GABRA5: variants seen among roughly 807,000 people sequenced by gnomAD.
The protein encoded by GABRA5 is gamma-aminobutyric acid type A receptor subunit alpha5.
GABRA5 carries 18 observed loss-of-function variants against 47.3 expected under a neutral mutation model. The ratio of observed to expected loss-of-function variants is 0.38; its 90% CI spans 0.26 to 0.56. GABRA5 has a LOEUF of 0.56. Among genes scored for constraint, GABRA5 ranks in the 20% least tolerant of loss-of-function variants. The pLI is 0.71. For missense variants in GABRA5, 365 were observed against 599.3 expected, an observed-to-expected ratio of 0.61 and a Z score of 4.08; for synonymous variants, 237 against 229.3, an observed-to-expected ratio of 1.03 and a Z score of -0.30.
intron 6 of GABRA5, among the ~76,000 whole-genome samples, chr15:26,894,805 C>T (rs941463028): frequency 6.6e-6 from 1 of 152,138 alleles, no homozygotes; most frequent in Admixed American, 6.5e-5. Flanking sequence ...AGGCACAGTC[C>T]GGCCGCAGAA....
rs554290852 is a variant in GABRA5 at position 26,921,483 on chromosome 15, G to A, written c.580+6598G>A. 9.2e-5 allele frequency among the ~76,000 whole-genome samples: 14 copies of A among 152,146 alleles called. No individual in the cohort carries two copies. The South Asian group carries it at 1.7e-3, about 18-fold the overall frequency. On this transcript the variant is annotated intron_variant, in intron 7 of 10. Transcript: ENST00000335625. ...CTCTTATTTCTGACGTTGGTAATTT[G>A]TGTTACTCTTTCAGCAAGATTGATA...
chr15:26,874,830 A>C (rs1892553872), intron 3 of GABRA5, among the ~76,000 whole-genome samples: 1 of 152,254 alleles, frequency 6.6e-6, no homozygotes, highest in South Asian at 2.1e-4. Flanking sequence ...GTTAATTTTT[A>C]GTTTTAACAA....
intron 7 of GABRA5, among the ~76,000 whole-genome samples, chr15:26,925,592 G>C (rs1437011886): frequency 2.6e-5 from 4 of 152,036 alleles, no homozygotes; most frequent in Admixed American, 2.6e-4. Flanking sequence ...ATTTATAATA[G>C]CTACTTTGAA....
At chr15:26,917,019 G>T (rs1330727722) in intron 7 of GABRA5, among the ~76,000 whole-genome samples, 1 of 151,954 alleles carries the variant, frequency 6.6e-6, no homozygotes, top group Non-Finnish European at 1.5e-5. Flanking sequence ...CTATAGATAG[G>T]GAGAGTTTCA....
chr15:26,940,416 A>C (rs1677688655), intron 9 of GABRA5, among the ~76,000 whole-genome samples: 2 of 152,092 alleles, frequency 1.3e-5, no homozygotes, highest in Admixed American at 1.3e-4. Context: ...TTGGGACCGG[A>C]AGTGTTTCAG....
At chr15:26,937,108 T>C in intron 7 of GABRA5, 77 bp from the exon 8 acceptor site, 1 of 1,539,870 alleles carries the variant, frequency 6.5e-7, no homozygotes, top group South Asian at 1.1e-5. Context: ...CTCTTGCTAC[T>C]TTAGTAAAAG....
intron 6 of GABRA5, among the ~76,000 whole-genome samples, chr15:26,891,268 C>G (rs1397790397): frequency 6.6e-6 from 1 of 152,156 alleles, no homozygotes; most frequent in East Asian, 1.9e-4. Context: ...ACATCCTCGT[C>G]CTAGTGAAAC....
At chr15:26,919,429 C>T (rs184539150) in intron 7 of GABRA5, among the ~76,000 whole-genome samples, 55 of 152,060 alleles carry the variant, frequency 3.6e-4, no homozygotes, top group African/African-American at 5.8e-4. Context: ...TTCGTGGTTA[C>T]GGTGTAGCTT....
chr15:26,913,635 C>T (rs369119343), intron 6 of GABRA5, among the ~76,000 whole-genome samples: 10 of 152,140 alleles, frequency 6.6e-5, no homozygotes, highest in East Asian at 1.9e-4. Flanking sequence ...TGAAGTTGAA[C>T]GTTTTGTATC....
At chr15:26,904,247 A>T (rs1566874809) in intron 6 of GABRA5, among the ~76,000 whole-genome samples, 1 of 151,928 alleles carries the variant, frequency 6.6e-6, no homozygotes, top group East Asian at 1.9e-4. Flanking sequence ...TATTTTTGTC[A>T]GTTGTATTGA....
chr15:26,894,959 C>T (rs979969971), intron 6 of GABRA5, among the ~76,000 whole-genome samples: 1 of 152,078 alleles, frequency 6.6e-6, no homozygotes, highest in African/African-American at 2.4e-5. Context: ...ATTTCATTCT[C>T]GGTGGCTCCT....
Position 26,947,982 on chromosome 15 carries a change from G to A in GABRA5, c.1138G>A (p.Gly380Arg). 6.3e-7 allele frequency: 1 copy of A among 1,595,642 alleles called. No homozygotes were observed. The highest frequency in any genetic ancestry group is 8.5e-7 in the Non-Finnish European group (1 of 1,170,510). The change falls in exon 11 of 11, where the codon GGG becomes AGG. Residue 380 changes from glycine (G) to arginine (R), a missense_variant. Gly to Arg is a moderately radical substitution (Grantham distance 125). Around this residue, in one of 3 missense-constraint regions of GABRA5, gnomAD observed 106 missense variants for 130.3 expected, o/e 0.81. Coordinates refer to ENST00000335625, the MANE Select transcript of GABRA5 (RefSeq NM_000810.4). ...TAAGTCAACAAACGCTTTTACAACT[G>A]GGAAGATGTCTCACCCCCCAAACAT... ...LNKSTNAFTT[G>R]KMSHPPNIPK...
At chr15:26,868,219 C>G (rs1892371981) in intron 1 of GABRA5, 1 of 152,090 alleles carries the variant, frequency 6.6e-6, no homozygotes, top group Non-Finnish European at 1.5e-5. Flanking sequence ...GCGCCGCGTG[C>G]TCGCCGCCTG....
At chr15:26,902,180 A>G (rs959857615) in intron 6 of GABRA5, among the ~76,000 whole-genome samples, 1 of 152,110 alleles carries the variant, frequency 6.6e-6, no homozygotes, top group African/African-American at 2.4e-5. Context: ...TATCCACAAA[A>G]CAACGTGCTT....
intron 6 of GABRA5, among the ~76,000 whole-genome samples, chr15:26,901,329 G>T (rs1023913095): frequency 3.3e-5 from 5 of 152,120 alleles, no homozygotes. Context: ...TTTACTGTTG[G>T]CAGTGTTCTG....
intron 8 of GABRA5, among the ~76,000 whole-genome samples, chr15:26,938,221 G>A (rs574026368): frequency 2.0e-5 from 3 of 152,156 alleles, no homozygotes; most frequent in Non-Finnish European, 4.4e-5. Flanking sequence ...GGGCCTGCGC[G>A]CTGGGCATCC....
At chr15:26,927,355 A>G (rs911133398) in intron 7 of GABRA5, among the ~76,000 whole-genome samples, 3 of 150,754 alleles carry the variant, frequency 2.0e-5, no homozygotes, top group African/African-American at 7.3e-5. Context: ...CTCGTGATCC[A>G]CCCACCTCGG....
chr15:26,897,504 G>A (rs1893226913), intron 6 of GABRA5, among the ~76,000 whole-genome samples: 2 of 152,240 alleles, frequency 1.3e-5, no homozygotes, highest in African/African-American at 4.8e-5. Flanking sequence ...CCAGCCCGTG[G>A]TACTTTGTAA....
At chr15:26,939,196 C>T (rs760302699) in intron 8 of GABRA5, 11 of 761,632 alleles carry the variant, frequency 1.4e-5, no homozygotes, top group Non-Finnish European at 2.6e-5. Context: ...CCCAGCGGGC[C>T]TCACACTCCC....
Sources: gnomAD v4.1 joint callset for allele counts (sites outside exome capture counted in the v4.1 genomes callset) on GRCh38, gnomAD v4.1.1 for gene constraint, gnomAD v4.1.1 regional missense constraint, MANE v1.5 for transcripts, NCBI Gene and HGNC (gene_info 2026-07-23, HGNC 2026-07-21) for gene names.